The following PTGFRN variants were observed in gnomAD, a reference collection of about 807,000 sequenced individuals.
PTGFRN encodes the protein prostaglandin F2 receptor negative regulator.
In PTGFRN, 35 loss-of-function variants were observed where a neutral mutation model predicts 83.2. The observed-to-expected ratio is 0.42, with a 90% confidence interval of 0.32 to 0.56. The LOEUF (loss-of-function observed/expected upper bound fraction) is 0.56. PTGFRN is among the 20% of genes least tolerant of loss of function. PTGFRN has a pLI of 0.11. For synonymous variants in PTGFRN, 519 were observed against 498.6 expected (o/e 1.04, Z -0.55); for missense variants, 1,051 against 1,179.5 (o/e 0.89, Z 1.60).
intron 1 of PTGFRN, among the ~76,000 whole-genome samples, chr1:116,917,407 G>C (rs1489475876): frequency 6.6e-6 from 1 of 152,194 alleles, no homozygotes; most frequent in Non-Finnish European, 1.5e-5. Context: ...TGACTACTGG[G>C]TGTGGACTCC....
intron 1 of PTGFRN, among the ~76,000 whole-genome samples, chr1:116,936,261 C>A (rs1210682658): frequency 6.6e-6 from 1 of 152,060 alleles, no homozygotes; most frequent in African/African-American, 2.4e-5. Context: ...TACAAGAAAT[C>A]TGTGCTAAAT....
intron 4 of PTGFRN, among the ~76,000 whole-genome samples, chr1:116,951,719 C>G (rs1650355118): frequency 6.6e-6 from 1 of 151,972 alleles, no homozygotes; most frequent in Non-Finnish European, 1.5e-5. Context: ...TGACTCAGAC[C>G]ATTACAGCTG....
Position 116,961,153 on chromosome 1 carries a change from C to A in PTGFRN, c.1214-90C>A. The A allele has an allele frequency of 7.6e-7, 1 of 1,309,090 alleles. No individual in the cohort carries two copies. Among genetic ancestry groups the A allele is most frequent in the Non-Finnish European group, 1.0e-6 (1 of 979,980 alleles). The allele number at this position is 1,309,090 out of a possible 1,614,324, so 81.1% of individuals were successfully genotyped here. On this transcript the variant is annotated intron_variant, in intron 4 of 8. Coordinates refer to ENST00000393203, the MANE Select transcript of PTGFRN (RefSeq NM_020440.4). The surrounding 1 kb of genome is among the most constrained non-coding windows in gnomAD (Gnocchi z 5.4). ...CAGGAGAAGCATTTAATTGTTAAAA[C>A]AAGAGCAGTCCTTGTCTCATTCCTT...
At chr1:116,966,026 G>A (rs1027055469) in intron 5 of PTGFRN, among the ~76,000 whole-genome samples, 5 of 152,148 alleles carry the variant, frequency 3.3e-5, no homozygotes, top group South Asian at 4.1e-4. Context: ...AAAATCTAAC[G>A]TAAAAATCTC....
At chr1:116,960,969 A>G (rs1337197768) in intron 4 of PTGFRN, among the ~76,000 whole-genome samples, 1 of 152,102 alleles carries the variant, frequency 6.6e-6, no homozygotes, top group Admixed American at 6.6e-5. Flanking sequence ...CCCCAGTGCC[A>G]TGGAAGGATC....
chr1:116,974,140 CCCCTT>C, intron 6 of PTGFRN, 71 bp from the exon 7 acceptor site: 1 of 1,093,250 alleles, frequency 9.1e-7, no homozygotes, highest in Admixed American at 2.1e-5. Context: ...CATTTTGATG[CCCCTT>C]AGAGTGCAAA....
chr1:116,956,148 A>T (rs930379918), intron 4 of PTGFRN, among the ~76,000 whole-genome samples: 1 of 152,338 alleles, frequency 6.6e-6, no homozygotes, highest in South Asian at 2.1e-4. Flanking sequence ...GTGGAATCAT[A>T]TCTTCTCCAG....
At chr1:116,970,964 T>C (rs1374769981) in intron 6 of PTGFRN, among the ~76,000 whole-genome samples, 1 of 152,218 alleles carries the variant, frequency 6.6e-6, no homozygotes, top group Admixed American at 6.5e-5. Flanking sequence ...AATATGATAG[T>C]GTAGGCTTTG....
rs1484880681 is a variant in PTGFRN, at chr1:116,910,267, G to A, written c.49+15G>A. On this transcript the variant is annotated intron_variant, in intron 1 of 8. Transcript: ENST00000393203. ...CCTGTCGTTGGGTGAGTGTGCGCGG[G>A]GCTCAGCGGGGCACACGGGGACTGG... is the stretch of plus-strand genomic sequence containing the variant. 4 of 1,410,532 alleles carry A rather than the reference G, an allele frequency of 2.8e-6. No individual in the cohort carries two copies. Among genetic ancestry groups the A allele is most frequent in the Non-Finnish European group, 3.7e-6 (4 of 1,090,032 alleles). 87.4% of individuals were successfully genotyped at this position (1,410,532 alleles called of 1,614,324 possible).
intron 1 of PTGFRN, among the ~76,000 whole-genome samples, chr1:116,921,257 T>G (rs1390800213): frequency 6.6e-6 from 1 of 152,214 alleles, no homozygotes; most frequent in African/African-American, 2.4e-5. Flanking sequence ...GCTTATCCCT[T>G]TAGGATGTAC....
At chr1:116,984,212 T>C (rs1231559762) in intron 7 of PTGFRN, among the ~76,000 whole-genome samples, 1 of 152,234 alleles carries the variant, frequency 6.6e-6, no homozygotes, top group Non-Finnish European at 1.5e-5. Context: ...TTGTTCCATA[T>C]GACTTTAGTG....
At chr1:116,940,929 G>T (rs1366097550) in intron 1 of PTGFRN, among the ~76,000 whole-genome samples, 2 of 152,204 alleles carry the variant, frequency 1.3e-5, no homozygotes, top group Admixed American at 1.3e-4. Context: ...CAGTTGTAGG[G>T]TCCCTACCAG....
At chr1:116,956,072 T>C (rs986064640) in intron 4 of PTGFRN, among the ~76,000 whole-genome samples, 1 of 152,158 alleles carries the variant, frequency 6.6e-6, no homozygotes, top group African/African-American at 2.4e-5. Context: ...TAAAGGACAA[T>C]CTCTGTCCAT....
intron 3 of PTGFRN, among the ~76,000 whole-genome samples, chr1:116,947,264 C>T (rs545918819): frequency 6.6e-6 from 1 of 152,328 alleles, no homozygotes; most frequent in African/African-American, 2.4e-5. Flanking sequence ...GAGCCTCCTC[C>T]CCAGCCCCTC....
At chr1:116,948,385 A>G (rs1650254337) in intron 3 of PTGFRN, among the ~76,000 whole-genome samples, 1 of 152,340 alleles carries the variant, frequency 6.6e-6, no homozygotes, top group South Asian at 2.1e-4. Context: ...ATCCACACTA[A>G]TGAGAAAGGA....
chr1:116,946,598 G>A lies in PTGFRN; in HGVS notation c.832+1506G>A, dbSNP rs547345754. 1.6e-4 allele frequency among the ~76,000 whole-genome samples: 25 copies of A among 152,264 alleles called. 1 individual carries two copies. The South Asian group carries it at 5.2e-3, about 32-fold the overall frequency. On this transcript the variant is annotated intron_variant, in intron 3 of 8. Transcript: ENST00000393203. ...CACACCATGAGACCTATAATATCTA[G>A]CTAAGAGACTTGAACACTGAACTTA...
chr1:116,971,598 C>A (rs1650993473), intron 6 of PTGFRN, among the ~76,000 whole-genome samples: 1 of 152,138 alleles, frequency 6.6e-6, no homozygotes, highest in South Asian at 2.1e-4. Flanking sequence ...GGGATAATGA[C>A]CCATATTAAC....
intron 6 of PTGFRN, among the ~76,000 whole-genome samples, 155 bp downstream of exon 6, chr1:116,967,485 A>G (rs982305052): frequency 6.6e-6 from 1 of 152,232 alleles, no homozygotes; most frequent in African/African-American, 2.4e-5. Flanking sequence ...GGCTTTTCAT[A>G]TATTCACAAA....
At chr1:116,953,405 G>A (rs1442084520) in intron 4 of PTGFRN, among the ~76,000 whole-genome samples, 3 of 152,270 alleles carry the variant, frequency 2.0e-5, no homozygotes, top group Non-Finnish European at 4.4e-5. Context: ...AGAAGTGCAC[G>A]TGGCCAAGTG....
Sources: gnomAD v4.1 joint callset for allele counts (sites outside exome capture counted in the v4.1 genomes callset) on GRCh38, gnomAD v4.1.1 for gene constraint, Gnocchi (gnomAD v3.1) non-coding constraint, MANE v1.5 for transcripts, NCBI Gene and HGNC (gene_info 2026-07-23, HGNC 2026-07-21) for gene names.